EFCAB13: variants seen among roughly 807,000 people sequenced by gnomAD.
The protein encoded by EFCAB13 is EF-hand calcium binding domain 13.
In EFCAB13, 91 loss-of-function variants were observed where a neutral mutation model predicts 110.2. The observed-to-expected ratio is 0.83, with a 90% CI of 0.70 to 0.98. The LOEUF is 0.98. Ranked by LOEUF, EFCAB13 falls within the 50% of genes least tolerant of loss-of-function variation. The probability of loss-of-function intolerance (pLI) is 0.00; values close to 1 mark genes in which losing one functional copy is unlikely to be tolerated. For missense variants in EFCAB13, 968 were observed against 1,119.4 expected (o/e 0.86, Z 1.93); for synonymous variants, 323 against 369.9 (o/e 0.87, Z 1.45).
In EFCAB13 at chr17:47,328,487, G is replaced by A. The variant is rs1479411654; in HGVS notation, c.30+104G>A. 4.3e-6 allele frequency: 4 copies of A among 927,582 alleles called. No homozygotes were observed. In the African/African-American group the frequency reaches 6.8e-5, roughly 16 times the overall value. 57.5% of individuals were successfully genotyped at this position (927,582 alleles called of 1,614,324 possible). A position where few individuals can be genotyped will look rare whatever the true frequency, so the allele number is the denominator to read the frequency against. On this transcript the variant is annotated intron_variant, in intron 4 of 24. Transcript: ENST00000331493. ...CAGTAAGCAAATTCATAGAGTAATA[G>A]TTATAAGGAACCTGGCCAAGTAACT...
At chr17:47,377,968 A>T in intron 13 of EFCAB13, 65 bp downstream of exon 13, 1 of 1,380,176 alleles carries the variant, frequency 7.2e-7, no homozygotes, top group Non-Finnish European at 9.8e-7. Flanking sequence ...AGTATTAAAT[A>T]TTGGAGGAAT....
intron 23 of EFCAB13, among the ~76,000 whole-genome samples, chr17:47,421,996 A>G (rs1017862415): frequency 1.3e-5 from 2 of 152,208 alleles, no homozygotes; most frequent in South Asian, 4.1e-4. Flanking sequence ...AAAACCTTAC[A>G]TGGGCACCAA....
chr17:47,400,214 T>A (rs896386547), intron 17 of EFCAB13, among the ~76,000 whole-genome samples: 2 of 152,242 alleles, frequency 1.3e-5, no homozygotes, highest in Non-Finnish European at 2.9e-5. Flanking sequence ...TGACTTTTTA[T>A]GCAATATCCA....
chr17:47,357,667 G>A (rs113721491), intron 9 of EFCAB13, among the ~76,000 whole-genome samples: 3,457 of 152,256 alleles, frequency 0.023, 106 homozygotes, highest in East Asian at 0.18. Context: ...CACCTGCCTC[G>A]GCCTCCCAAA....
rs571660277 is a variant in EFCAB13, at chr17:47,391,216, A to C, written c.1583-221A>C. Among the ~76,000 whole-genome samples, 4 of 152,286 alleles carry C rather than the reference A, an allele frequency of 2.6e-5. No individual in the cohort carries two copies. In the East Asian group the frequency reaches 7.7e-4, roughly 29 times the overall value. On this transcript the variant is annotated intron_variant, in intron 14 of 24. Coordinates refer to ENST00000331493, the MANE Select transcript of EFCAB13 (RefSeq NM_152347.5). ...TGGCCTCTCAAAGTGTTTGAATTAC[A>C]GGTGTGAGCTACTGTGTGTGGCCTA...
chr17:47,334,276 C>T (rs2065336674), intron 4 of EFCAB13, among the ~76,000 whole-genome samples: 1 of 152,046 alleles, frequency 6.6e-6, no homozygotes, highest in South Asian at 2.1e-4. Flanking sequence ...GGTGAGGTGT[C>T]TGTTCAAGTC....
chr17:47,423,739 G>A (rs1904815499), intron 23 of EFCAB13, among the ~76,000 whole-genome samples: 1 of 151,964 alleles, frequency 6.6e-6, no homozygotes, highest in South Asian at 2.1e-4. Context: ...GCGTTCCCGG[G>A]CGCACGGCGG....
At chr17:47,430,046 G>C in intron 24 of EFCAB13, 85 bp downstream of exon 24, 1 of 1,424,950 alleles carries the variant, frequency 7.0e-7, no homozygotes, top group Non-Finnish European at 9.3e-7. Context: ...TGCAGGGATG[G>C]AGGGTATCCT....
intron 4 of EFCAB13, among the ~76,000 whole-genome samples, chr17:47,334,254 T>A (rs2065336524): frequency 6.6e-6 from 1 of 152,156 alleles, no homozygotes; most frequent in South Asian, 2.1e-4. Flanking sequence ...CATGTTTCTG[T>A]GTATCTTCTT....
Position 47,342,480 on chromosome 17 carries a change from A to T in EFCAB13, c.303+448A>T, listed in dbSNP as rs80335564. Reference sequence around the variant, plus strand: ...ATTGTATATTTCATTTCAAGATCTTAACTTGATTACATCTGCAAATACATT... The same window carrying T: ...ATTGTATATTTCATTTCAAGATCTTTACTTGATTACATCTGCAAATACATT... On this transcript the variant is annotated intron_variant, in intron 6 of 24. Coordinates refer to ENST00000331493, the MANE Select transcript of EFCAB13 (RefSeq NM_152347.5). Among the ~76,000 whole-genome samples, 631 of 152,240 alleles carry T rather than the reference A, an allele frequency of 4.1e-3. 17 individuals are homozygous for T. In the East Asian group the frequency reaches 0.065, roughly 16 times the overall value.
chr17:47,395,664 C>A (rs754263057), intron 16 of EFCAB13, among the ~76,000 whole-genome samples, 170 bp from the exon 17 acceptor site: 1 of 152,034 alleles, frequency 6.6e-6, no homozygotes, highest in Non-Finnish European at 1.5e-5. Context: ...ATATTTTAGG[C>A]TAAATATTTT....
chr17:47,404,048 G>GTTT, intron 19 of EFCAB13, 27 bp downstream of exon 19: 4 of 1,329,714 alleles, frequency 3.0e-6, no homozygotes, highest in Admixed American at 2.4e-5. Flanking sequence ...TTACTCTCAG[G>GTTT]TTTTTTTTTT....
chr17:47,329,317 CTG>C (rs2065306291), intron 4 of EFCAB13, among the ~76,000 whole-genome samples: 1 of 152,036 alleles, frequency 6.6e-6, no homozygotes, highest in Non-Finnish European at 1.5e-5. Context: ...TTAACCCTCA[CTG>C]TTTTCTGGGA....
rs1040780221 is a variant in EFCAB13 at position 47,405,744 on chromosome 17, T to A, written c.2233+1111T>A. On this transcript the variant is annotated intron_variant, in intron 20 of 24. Transcript: ENST00000331493. ...TAACTTTTTTCTTTGCTACTGAATG[T>A]TCTATTATCTCTGTTTTTAAAGTAC... Among the ~76,000 whole-genome samples the A allele has an allele frequency of 3.3e-5, 5 of 151,722 alleles. No individual in the cohort carries two copies. The East Asian group carries it at 9.6e-4, about 29-fold the overall frequency.
At position 47,401,319 on chromosome 17, in the gene EFCAB13, G is replaced by A. The variant is rs542192448; in HGVS notation, c.1946-813G>A. ...AAACTATAATATTTCTAAATCCTAA[G>A]CTTCCTTATTCCTGGCTGGGAAAAC... is the stretch of plus-strand genomic sequence containing the variant. On this transcript the variant is annotated intron_variant, in intron 17 of 24. Coordinates refer to ENST00000331493, the MANE Select transcript of EFCAB13 (RefSeq NM_152347.5). Among the ~76,000 whole-genome samples, 8 of 152,232 alleles carry A rather than the reference G, an allele frequency of 5.3e-5. No individual in the cohort carries two copies. In the East Asian group the frequency reaches 1.3e-3, roughly 26 times the overall value.
intron 9 of EFCAB13, among the ~76,000 whole-genome samples, chr17:47,359,548 G>A (rs2065499137): frequency 7.7e-6 from 1 of 129,706 alleles, no homozygotes; most frequent in African/African-American, 2.8e-5. Flanking sequence ...GGCTAATTAA[G>A]GGGTGTAGTG....
At chr17:47,367,024 T>G (rs1218935355) in intron 10 of EFCAB13, among the ~76,000 whole-genome samples, 10 of 152,212 alleles carry the variant, frequency 6.6e-5, no homozygotes. Context: ...AGCTTTGAGT[T>G]GTCTTAGGAC....
chr17:47,421,035 C>T (rs893384174), intron 23 of EFCAB13, among the ~76,000 whole-genome samples: 1 of 151,194 alleles, frequency 6.6e-6, no homozygotes, highest in African/African-American at 2.4e-5. Flanking sequence ...GGGTCAGCCC[C>T]CCGCCCGGCC....
At position 47,412,856 on chromosome 17, in the gene EFCAB13, T is replaced by C. The variant is rs149440963; in HGVS notation, c.2362T>C (p.Leu788=). The change falls in exon 22 of 25, where the codon TTG becomes CTG. Residue 788 remains leucine (L), a synonymous_variant. Coordinates refer to ENST00000331493, the MANE Select transcript of EFCAB13 (RefSeq NM_152347.5). ...TGATTTGGAGCATGCCTTGAAATGT[T>C]TGAATGTTAATTTAACTGAGGAGGA... is the stretch of plus-strand genomic sequence containing the variant. ...IPDLEHALKC[L]NVNLTEEDFN... The C allele has an allele frequency of 2.8e-5, 45 of 1,613,786 alleles. No homozygotes were observed. Among genetic ancestry groups the C allele is most frequent in the Middle Eastern group, 3.3e-4 (2 of 6,078 alleles).
Sources: allele counts gnomAD v4.1 joint callset (sites outside exome capture counted in the v4.1 genomes callset), GRCh38; gene constraint gnomAD v4.1.1; transcripts MANE v1.5; gene names NCBI Gene and HGNC (gene_info 2026-07-23, HGNC 2026-07-21).